The following ELMO1 variants were observed in gnomAD, a reference collection of about 807,000 sequenced individuals.
ELMO1 encodes engulfment and cell motility 1.
ELMO1 carries 26 observed loss-of-function variants against 98.9 expected under a neutral mutation model. The observed-to-expected ratio is 0.26, with a 90% CI of 0.19 to 0.36. ELMO1 has a LOEUF of 0.36. ELMO1 is among the 10% of genes least tolerant of loss of function. The pLI is 1.00. For missense variants in ELMO1, 627 were observed against 935.2 expected, an observed-to-expected ratio of 0.67 and a Z score of 4.30; for synonymous variants, 346 against 346.0, an observed-to-expected ratio of 1.00 and a Z score of 0.00.
intron 14 of ELMO1, among the ~76,000 whole-genome samples, chr7:37,113,531 G>A (rs1193146545): frequency 8.5e-5 from 13 of 152,180 alleles, no homozygotes; most frequent in Non-Finnish European, 1.6e-4. Flanking sequence ...GTGAGGCAAT[G>A]AGCCATGTGG....
In ELMO1 at chr7:36,861,847, C is replaced by T. The variant is rs1017006096; in HGVS notation, c.1906-111G>A. 4.9e-5 allele frequency: 49 copies of T among 1,007,242 alleles called. 1 individual carries two copies. Among genetic ancestry groups the T allele is most frequent in the Admixed American group, 1.2e-4 (7 of 57,012 alleles). 62.4% of individuals were successfully genotyped at this position (1,007,242 alleles called of 1,614,324 possible). A position where few individuals can be genotyped will look rare whatever the true frequency, so the allele number is the denominator to read the frequency against. On this transcript the variant is annotated intron_variant, in intron 20 of 21. Coordinates refer to ENST00000310758, the MANE Select transcript of ELMO1 (RefSeq NM_014800.11). Reference sequence around the variant, plus strand: ...CATAGGGCCAGCTTGTCTAGCCAAGCGGAGCTGCAATGAGGCTGATGGAAG... The same window carrying T: ...CATAGGGCCAGCTTGTCTAGCCAAGTGGAGCTGCAATGAGGCTGATGGAAG...
At chr7:37,059,478 T>A (rs1796556962) in intron 15 of ELMO1, among the ~76,000 whole-genome samples, 1 of 152,246 alleles carries the variant, frequency 6.6e-6, no homozygotes, top group Non-Finnish European at 1.5e-5. Context: ...ATATTTTTCC[T>A]CTTTCATTGT....
intron 4 of ELMO1, among the ~76,000 whole-genome samples, chr7:37,301,919 A>G (rs1798371875): frequency 6.6e-6 from 1 of 152,128 alleles, no homozygotes; most frequent in Non-Finnish European, 1.5e-5. Context: ...ACTTTCTTCT[A>G]TTTTTCTTAC....
chr7:37,410,334 A>G lies in ELMO1; in HGVS notation c.-74+38341T>C, dbSNP rs1464848402. Among the ~76,000 whole-genome samples the G allele has an allele frequency of 1.5e-4, 23 of 152,376 alleles. No individual in the cohort carries two copies. The East Asian group carries it at 1.9e-3, about 13-fold the overall frequency. ...CTCCTTGAAAGAAAAAAACAAGTTT[A>G]GTAAAACCTGGTATCCACATAAAAT... is the stretch of plus-strand genomic sequence containing the variant. On this transcript the variant is annotated intron_variant, in intron 1 of 21. Coordinates refer to ENST00000310758, the MANE Select transcript of ELMO1 (RefSeq NM_014800.11).
chr7:37,231,751 C>G (rs990660747), intron 8 of ELMO1, among the ~76,000 whole-genome samples: 3 of 152,134 alleles, frequency 2.0e-5, no homozygotes, highest in African/African-American at 7.2e-5. Flanking sequence ...GCCGGCATTG[C>G]ACCACAGCTT....
Position 37,267,038 on chromosome 7 carries a change from T to TAC in ELMO1, c.243+4792_243+4793dup, listed in dbSNP as rs60344761. On this transcript the variant is annotated intron_variant, in intron 5 of 21. Coordinates refer to ENST00000310758, the MANE Select transcript of ELMO1 (RefSeq NM_014800.11). The stretch of plus-strand genomic sequence containing the variant: ...AAAAAAAAAAAAAAATATGTATATA[T>TAC]ACACACACACACACACACACACACA... Among the ~76,000 whole-genome samples, 199 of 100,300 alleles carry TAC rather than the reference T, an allele frequency of 2.0e-3. 9 individuals carry two copies. The highest frequency in any genetic ancestry group is 2.9e-3 in the Non-Finnish European group (141 of 48,908). 65.8% of individuals were successfully genotyped at this position (100,300 alleles called of 152,430 possible).
chr7:36,876,374 T>C (rs1436648321), intron 19 of ELMO1, among the ~76,000 whole-genome samples: 1 of 151,378 alleles, frequency 6.6e-6, no homozygotes, highest in Non-Finnish European at 1.5e-5. Context: ...GATATTAAAC[T>C]TTAGATTTTA....
At chr7:37,216,518 AG>A in intron 11 of ELMO1, 126 bp downstream of exon 11, 1 of 1,073,790 alleles carries the variant, frequency 9.3e-7, no homozygotes, top group Non-Finnish European at 1.4e-6. Flanking sequence ...CCTTCATTAG[AG>A]TTCCTACTGC....
chr7:36,906,794 C>G (rs1783997988), intron 16 of ELMO1, among the ~76,000 whole-genome samples: 1 of 151,966 alleles, frequency 6.6e-6, no homozygotes, highest in South Asian at 2.1e-4. Flanking sequence ...AAAAAAGGCG[C>G]TTAGAAAGTT....
chr7:37,077,933 A>C (rs1797669856), intron 15 of ELMO1, among the ~76,000 whole-genome samples: 1 of 152,180 alleles, frequency 6.6e-6, no homozygotes, highest in South Asian at 2.1e-4. Context: ...GGAAGCATGA[A>C]TATTTATACA....
intron 14 of ELMO1, among the ~76,000 whole-genome samples, chr7:37,098,049 T>C (rs1345197213): frequency 6.6e-6 from 1 of 152,248 alleles, no homozygotes; most frequent in Non-Finnish European, 1.5e-5. Context: ...ACTTTATCCA[T>C]GTCTAAAGCT....
chr7:37,018,317 G>A (rs1794068519), intron 15 of ELMO1, among the ~76,000 whole-genome samples: 1 of 151,646 alleles, frequency 6.6e-6, no homozygotes, highest in Admixed American at 6.6e-5. Flanking sequence ...GTAGAGACAG[G>A]GTTTCTCCAT....
intron 1 of ELMO1, among the ~76,000 whole-genome samples, chr7:37,445,483 GAAGT>G (rs1162398306): frequency 2.6e-5 from 4 of 152,282 alleles, no homozygotes; most frequent in African/African-American, 7.2e-5. Flanking sequence ...GCAACCTGAT[GAAGT>G]AAGCACAGTG....
chr7:36,973,657 C>T (rs1790181854), intron 16 of ELMO1, among the ~76,000 whole-genome samples: 2 of 152,194 alleles, frequency 1.3e-5, no homozygotes, highest in Non-Finnish European at 2.9e-5. Context: ...CTTGAGAAGC[C>T]CTTCAGCCCA....
At chr7:37,075,062 G>C (rs900865701) in intron 15 of ELMO1, among the ~76,000 whole-genome samples, 1 of 152,112 alleles carries the variant, frequency 6.6e-6, no homozygotes. Flanking sequence ...GCAATAAAAG[G>C]TGTGTAACAC....
chr7:37,217,671 G>C (rs769812642), intron 10 of ELMO1: 27 of 456,780 alleles, frequency 5.9e-5, no homozygotes, highest in South Asian at 4.0e-4. Flanking sequence ...CAGGAGAGCA[G>C]GGCCCACTTT....
chr7:37,133,150 G>C lies in ELMO1; in HGVS notation c.1171C>G (p.His391Asp). 1 of 1,611,080 alleles carries C rather than the reference G, an allele frequency of 6.2e-7. No individual in the cohort carries two copies. The highest frequency in any genetic ancestry group is 1.3e-5 in the African/African-American group (1 of 74,846). Residue 391 changes from histidine (H) to aspartate (D), a missense_variant, in exon 14 of 22, where the codon CAC (histidine) becomes GAC (aspartate). By Grantham distance (81) the His-to-Asp change is moderately conservative. Coordinates refer to ENST00000310758, the MANE Select transcript of ELMO1 (RefSeq NM_014800.11). ...LDNMLYFAKH[H>D]QDAYIRIVLE... The stretch of plus-strand genomic sequence containing the variant: ...CTTACCCGGATGTAGGCATCTTGGT[G>C]GTGCTTGGCAAAGTACAGCATGTTG...
chr7:37,192,049 A>G (rs1331739045), intron 13 of ELMO1, among the ~76,000 whole-genome samples: 3 of 152,256 alleles, frequency 2.0e-5, no homozygotes, highest in Admixed American at 2.0e-4. Flanking sequence ...TTCACAGAAG[A>G]AGAAGAAAGA....
intron 16 of ELMO1, among the ~76,000 whole-genome samples, chr7:36,912,126 G>T (rs1458056715): frequency 1.3e-5 from 2 of 152,200 alleles, no homozygotes; most frequent in African/African-American, 4.8e-5. Context: ...TTCTAATGCG[G>T]TGAAGCTTGC....
Sources: gnomAD v4.1 joint callset for allele counts (sites outside exome capture counted in the v4.1 genomes callset) on GRCh38, gnomAD v4.1.1 for gene constraint, MANE v1.5 for transcripts, NCBI Gene and HGNC (gene_info 2026-07-23, HGNC 2026-07-21) for gene names.